The following DOCK3 variants were observed in gnomAD, a reference collection of about 807,000 sequenced individuals.
DOCK3 encodes the protein dedicator of cytokinesis 3, also known as dedicator of cytokinesis protein 3.
In DOCK3, 60 loss-of-function variants were observed where a neutral mutation model predicts 265.6. The observed-to-expected ratio is 0.23, with a 90% CI of 0.18 to 0.28. The LOEUF (loss-of-function observed/expected upper bound fraction) is 0.28, where lower values mean the gene tolerates loss of function less well. Among genes scored for constraint, DOCK3 ranks in the 10% least tolerant of loss-of-function variants. The probability of loss-of-function intolerance (pLI) is 1.00; values close to 1 mark genes in which losing one functional copy is unlikely to be tolerated. For missense variants in DOCK3, 1,981 were observed against 2,594.3 expected (o/e 0.76, Z 5.14); for synonymous variants, 881 against 938.0 (o/e 0.94, Z 1.11).
chr3:51,041,220 T>A (rs2080518087), intron 5 of DOCK3, among the ~76,000 whole-genome samples: 2 of 82,780 alleles, frequency 2.4e-5, no homozygotes, highest in African/African-American at 1.2e-4. Flanking sequence ...TTTTTTTTTT[T>A]TTTTTTTTTT....
chr3:51,102,423 ATG>A (rs2083122006), intron 9 of DOCK3, among the ~76,000 whole-genome samples: 1 of 152,224 alleles, frequency 6.6e-6, no homozygotes, highest in African/African-American at 2.4e-5. Flanking sequence ...ATTTTGAGGA[ATG>A]TGCTAAATGG....
chr3:51,069,558 G>GTA (rs771659990), intron 6 of DOCK3, among the ~76,000 whole-genome samples: 20 of 150,686 alleles, frequency 1.3e-4, no homozygotes, highest in East Asian at 3.9e-4. Context: ...ATATATGTGT[G>GTA]TATATATATG....
chr3:50,705,446 C>T (rs2036343231), intron 1 of DOCK3, among the ~76,000 whole-genome samples: 1 of 151,938 alleles, frequency 6.6e-6, no homozygotes, highest in South Asian at 2.1e-4. Flanking sequence ...GACAGAGTCT[C>T]ACTCTGTTGC....
intron 5 of DOCK3, among the ~76,000 whole-genome samples, chr3:51,008,414 A>T (rs932395740): frequency 6.6e-6 from 1 of 152,108 alleles, no homozygotes. Context: ...TTCACTCGTG[A>T]TTTGGCTCTC....
At chr3:51,198,805 G>C (rs1051443599) in intron 12 of DOCK3, among the ~76,000 whole-genome samples, 1 of 152,136 alleles carries the variant, frequency 6.6e-6, no homozygotes, top group Non-Finnish European at 1.5e-5. Flanking sequence ...TGAGTCAGGC[G>C]GATCACTTGG....
At chr3:50,924,654 C>T (rs1034667064) in intron 4 of DOCK3, among the ~76,000 whole-genome samples, 4 of 152,250 alleles carry the variant, frequency 2.6e-5, no homozygotes, top group Non-Finnish European at 4.4e-5. Flanking sequence ...GGCTAATCCA[C>T]TTGGAATATG....
At chr3:51,149,631 C>A (rs4437184) in intron 10 of DOCK3, among the ~76,000 whole-genome samples, 138,341 of 151,784 alleles carry the variant, frequency 0.91, 63,188 homozygotes, top group African/African-American at 0.95. Flanking sequence ...TGTTTATATG[C>A]TGGATTACAT....
At chr3:51,086,819 A>G (rs1411138783) in intron 7 of DOCK3, among the ~76,000 whole-genome samples, 3 of 152,272 alleles carry the variant, frequency 2.0e-5, no homozygotes, top group Non-Finnish European at 2.9e-5. Context: ...AAACAAAACA[A>G]GGAATCATTA....
intron 37 of DOCK3, 130 bp from the exon 38 acceptor site, chr3:51,341,107 C>A: frequency 1.8e-6 from 2 of 1,130,868 alleles, no homozygotes; most frequent in Non-Finnish European, 2.4e-6. Flanking sequence ...CTTTAGTATC[C>A]AGTGTCCCCG....
Position 51,225,742 on chromosome 3 carries a change from A to G in DOCK3, c.1346A>G (p.Tyr449Cys). ...CAAAAGAATATTGAAGTGACCATGTATGTGCTTTATGCAGATGGAGAAATC... is the reference window on the plus strand; with the variant it reads ...CAAAAGAATATTGAAGTGACCATGTGTGTGCTTTATGCAGATGGAGAAATC... ...SVQKNIEVTMYVLYADGEILK... is the reference protein window; with the variant it reads ...SVQKNIEVTMCVLYADGEILK... The change falls in exon 15 of 53, where the codon TAT becomes TGT. Residue 449 changes from tyrosine (Y) to cysteine (C), a missense_variant. Transcript: ENST00000266037. The G allele has an allele frequency of 6.2e-7, 1 of 1,613,388 alleles. No individual in the cohort carries two copies. Among genetic ancestry groups the G allele is most frequent in the Non-Finnish European group, 8.5e-7 (1 of 1,179,610 alleles).
intron 12 of DOCK3, among the ~76,000 whole-genome samples, chr3:51,184,250 G>A (rs751270089): frequency 6.6e-6 from 1 of 151,284 alleles, no homozygotes; most frequent in Non-Finnish European, 1.5e-5. Flanking sequence ...GGCAGAAATT[G>A]CAGTGAGCCA....
chr3:51,238,119 C>CTTTT (rs747331452), intron 21 of DOCK3, among the ~76,000 whole-genome samples: 5 of 47,486 alleles, frequency 1.1e-4, no homozygotes, highest in East Asian at 7.0e-4. Context: ...ATATTTACCA[C>CTTTT]TTTTTTTTTT....
intron 1 of DOCK3, among the ~76,000 whole-genome samples, chr3:50,748,790 C>T (rs2039610664): frequency 1.3e-5 from 2 of 152,068 alleles, no homozygotes; most frequent in African/African-American, 2.4e-5. Context: ...GATGTCAGCA[C>T]CTTGGATACT....
chr3:51,091,702 A>AG (rs71278628), intron 9 of DOCK3, among the ~76,000 whole-genome samples: 25 of 149,676 alleles, frequency 1.7e-4, no homozygotes, highest in African/African-American at 5.6e-4. Flanking sequence ...AAAAAAAAAA[A>AG]GATGGATTGT....
intron 5 of DOCK3, among the ~76,000 whole-genome samples, chr3:50,946,900 C>T (rs762111841): frequency 1.3e-5 from 2 of 152,110 alleles, no homozygotes; most frequent in Admixed American, 6.5e-5. Context: ...CAGGATGCAA[C>T]GATGGAAGAT....
intron 5 of DOCK3, among the ~76,000 whole-genome samples, chr3:50,999,643 A>G (rs569894617): frequency 7.0e-4 from 107 of 152,266 alleles, no homozygotes; most frequent in Non-Finnish European, 1.2e-3. Context: ...TGTCTATCCA[A>G]CGTTTTCATT....
intron 22 of DOCK3, among the ~76,000 whole-genome samples, chr3:51,247,878 T>A (rs1163609489): frequency 6.6e-6 from 1 of 152,162 alleles, no homozygotes; most frequent in African/African-American, 2.4e-5. Flanking sequence ...GTTCTCTTCT[T>A]CTCAGAACCC....
rs1011063701 is a variant in DOCK3, at chr3:51,374,283, G to C, written c.5294-186G>C. Among the ~76,000 whole-genome samples the C allele has an allele frequency of 1.4e-4, 22 of 152,194 alleles. No individual in the cohort carries two copies. The highest frequency in any genetic ancestry group is 5.3e-4 in the African/African-American group (22 of 41,442). On this transcript the variant is annotated intron_variant, in intron 49 of 52. Transcript: ENST00000266037. This position sits in a 1 kb window ranked among gnomAD's most constrained non-coding sequence, Gnocchi z 4.8. ...TGTATGTCAGCCTTGGCTGGGACAT[G>C]AGGTGCAGCCACTGCCACCATCTAA...
At chr3:50,836,325 G>A (rs1397476029) in intron 2 of DOCK3, among the ~76,000 whole-genome samples, 1 of 152,202 alleles carries the variant, frequency 6.6e-6, no homozygotes, top group African/African-American at 2.4e-5. Flanking sequence ...GGACACCCAG[G>A]CATTTTCGTA....
Sources: gnomAD v4.1 joint callset for allele counts (sites outside exome capture counted in the v4.1 genomes callset) on GRCh38, gnomAD v4.1.1 for gene constraint, Gnocchi (gnomAD v3.1) non-coding constraint, MANE v1.5 for transcripts, NCBI Gene and HGNC (gene_info 2026-07-23, HGNC 2026-07-21) for gene names.